Variants in SLC37A3 observed in about 807,000 individuals in gnomAD.
SLC37A3 encodes the protein sugar phosphate exchanger 3.
In SLC37A3, 51 loss-of-function variants were observed where a neutral mutation model predicts 67.1. The observed-to-expected ratio is 0.76, with a 90% CI of 0.61 to 0.96. The LOEUF is 0.96. SLC37A3 is among the 40% of genes least tolerant of loss of function. SLC37A3 has a pLI of 0.00. For synonymous variants in SLC37A3, 214 were observed against 231.4 expected (o/e 0.92, Z 0.68); for missense variants, 508 against 603.0 (o/e 0.84, Z 1.65).
chr7:140,382,536 G>A lies in SLC37A3; in HGVS notation c.-10C>T. On this transcript the variant is annotated 5_prime_UTR_variant, in exon 2 of 15. Transcript: ENST00000326232. ...CATTTGGCCAGGCCATGTTCTTCCT[G>A]ACCTTCCTTCTCACCTTTGACCTTA... is the stretch of plus-strand genomic sequence containing the variant. 6.2e-7 allele frequency: 1 copy of A among 1,613,314 alleles called. No individual in the cohort carries two copies. Among genetic ancestry groups the A allele is most frequent in the Non-Finnish European group, 8.5e-7 (1 of 1,179,448 alleles).
At chr7:140,357,198 G>A (rs571650112) in intron 6 of SLC37A3, among the ~76,000 whole-genome samples, 1 of 151,986 alleles carries the variant, frequency 6.6e-6, no homozygotes, top group African/African-American at 2.4e-5. Flanking sequence ...TGGGCAGTAA[G>A]AGCGAAACTC....
chr7:140,382,642 G>A, intron 1 of SLC37A3, 46 bp from the exon 2 acceptor site: 1 of 850,388 alleles, frequency 1.2e-6, no homozygotes, highest in Non-Finnish European at 1.8e-6. Context: ...CATAGGCAGA[G>A]TATCCAAAAA....
At chr7:140,352,210 T>C in intron 7 of SLC37A3, 64 bp from the exon 8 acceptor site, 1 of 1,231,650 alleles carries the variant, frequency 8.1e-7, no homozygotes, top group Non-Finnish European at 1.1e-6. Flanking sequence ...AGCACATTCA[T>C]TAAAGGTGTG....
chr7:140,338,787 AT>A (rs144807594), intron 13 of SLC37A3, among the ~76,000 whole-genome samples: 7,661 of 151,412 alleles, frequency 0.051, 211 homozygotes, highest in Non-Finnish European at 0.071. Flanking sequence ...TTCTTTTTAA[AT>A]GGAGTCTTGC....
At chr7:140,371,868 T>G (rs78029450) in intron 3 of SLC37A3, among the ~76,000 whole-genome samples, 3 of 152,074 alleles carry the variant, frequency 2.0e-5, no homozygotes, top group Admixed American at 2.0e-4. Context: ...TTTTTTTTTT[T>G]GGAGACGGAG....
intron 7 of SLC37A3, among the ~76,000 whole-genome samples, chr7:140,352,670 T>C (rs1796863126): frequency 6.6e-6 from 1 of 151,950 alleles, no homozygotes; most frequent in Non-Finnish European, 1.5e-5. Flanking sequence ...AAAATCAAAG[T>C]CAATTGCCCA....
chr7:140,382,489 A>C lies in SLC37A3; in HGVS notation c.38T>G (p.Leu13Arg). ...WPNVFQRGSL[L>R]SQFSHHHVVV... ...AACATGATGATGGCTGAACTGGGACAGCAGAGACCCTCTTTGAAAAACATT... is the reference window on the plus strand; with the variant it reads ...AACATGATGATGGCTGAACTGGGACCGCAGAGACCCTCTTTGAAAAACATT... Residue 13 changes from leucine (L) to arginine (R), a missense_variant, in exon 2 of 15, where the codon CTG becomes CGG. By Grantham distance (102) the Leu-to-Arg change is moderately radical. Coordinates refer to ENST00000326232, the MANE Select transcript of SLC37A3 (RefSeq NM_207113.3). 6.2e-7 allele frequency: 1 copy of C among 1,614,188 alleles called. No homozygotes were observed. Among genetic ancestry groups the C allele is most frequent in the Non-Finnish European group, 8.5e-7 (1 of 1,180,014 alleles).
At chr7:140,358,878 C>T (rs1448112207) in intron 5 of SLC37A3, 93 bp from the exon 6 acceptor site, 2 of 1,469,966 alleles carry the variant, frequency 1.4e-6, no homozygotes, top group African/African-American at 1.4e-5. Context: ...GTAGAGACCA[C>T]GTGAAGGATA....
In SLC37A3 at chr7:140,364,440, G is replaced by A. The variant is rs932798602; in HGVS notation, c.343C>T (p.Leu115=). 6.2e-7 allele frequency: 1 copy of A among 1,613,744 alleles called. No homozygotes were observed. Among genetic ancestry groups the A allele is most frequent in the African/African-American group, 1.3e-5 (1 of 74,846 alleles). Residue 115 remains leucine (L), a synonymous_variant, in exon 5 of 15, where the codon CTG becomes TTG. Coordinates refer to ENST00000326232, the MANE Select transcript of SLC37A3 (RefSeq NM_207113.3). ...GCAGAAGAGCACATGCCAAAAGACA[G>A]AACCCATCGCAAATTCAACCGATCC... ...VGDRLNLRWV[L]SFGMCSSALV...
In SLC37A3 at chr7:140,348,654, G is replaced by A. The variant is rs749047184; in HGVS notation, c.996C>T (p.Ser332=). 3 of 1,613,876 alleles carry A rather than the reference G, an allele frequency of 1.9e-6. No homozygotes were observed. The highest frequency in any genetic ancestry group is 2.5e-6 in the Non-Finnish European group (3 of 1,180,012). Residue 332 remains serine, a synonymous_variant, in exon 10 of 15, where the codon TCC becomes TCT. Transcript: ENST00000326232. Reference sequence around the variant, plus strand: ...TGATCCCTCCAACGTCGTACCAAATGGACAGCTTGTCGGCTTCCGCCTCCT... The same window carrying A: ...TGATCCCTCCAACGTCGTACCAAATAGACAGCTTGTCGGCTTCCGCCTCCT... ...GWKEAEADKL[S]IWYDVGGIIG...
intron 1 of SLC37A3, among the ~76,000 whole-genome samples, chr7:140,383,833 T>C (rs527295216): frequency 1.3e-5 from 2 of 152,284 alleles, no homozygotes; most frequent in East Asian, 1.9e-4. Flanking sequence ...TGAGCCGCCA[T>C]GCCTGGCTAA....
At chr7:140,388,759 A>C (rs755136833) in intron 1 of SLC37A3, among the ~76,000 whole-genome samples, 9 of 152,012 alleles carry the variant, frequency 5.9e-5, no homozygotes, top group Non-Finnish European at 1.0e-4. Context: ...TGCAGTGCCA[A>C]GATCATGCCA....
At chr7:140,356,725 C>T (rs143394926) in intron 6 of SLC37A3, among the ~76,000 whole-genome samples, 3 of 152,158 alleles carry the variant, frequency 2.0e-5, no homozygotes, top group Non-Finnish European at 2.9e-5. Flanking sequence ...AGATGCTCAA[C>T]GTCATTAGAT....
chr7:140,361,028 G>A (rs1031350187), intron 5 of SLC37A3, among the ~76,000 whole-genome samples: 2 of 152,062 alleles, frequency 1.3e-5, no homozygotes, highest in Non-Finnish European at 2.9e-5. Context: ...TCAAGTGCCT[G>A]CAAAGAAACA....
At chr7:140,384,768 G>GA (rs60864294) in intron 1 of SLC37A3, among the ~76,000 whole-genome samples, 26,024 of 151,978 alleles carry the variant, frequency 0.17, 2,973 homozygotes, top group African/African-American at 0.32. Context: ...ATATTCAAGG[G>GA]AAAAAATCCA....
At chr7:140,352,863 ATGGAACCTGATG>A (rs1168415358) in intron 7 of SLC37A3, among the ~76,000 whole-genome samples, 1 of 152,158 alleles carries the variant, frequency 6.6e-6, no homozygotes, top group African/African-American at 2.4e-5. Context: ...TTAACAGAGA[ATGGAACCTGATG>A]TGGACACTGA....
At chr7:140,384,629 G>C in intron 1 of SLC37A3, among the ~76,000 whole-genome samples, 1 of 152,128 alleles carries the variant, frequency 6.6e-6, no homozygotes, top group Non-Finnish European at 1.5e-5. Flanking sequence ...TAAGGCAGGA[G>C]GATTGCTTGA....
chr7:140,370,046 G>C (rs1363456560), intron 3 of SLC37A3, among the ~76,000 whole-genome samples: 2 of 152,084 alleles, frequency 1.3e-5, no homozygotes, highest in African/African-American at 4.8e-5. Flanking sequence ...GGAGGCGGAG[G>C]TTGTGGTGAG....
intron 13 of SLC37A3, among the ~76,000 whole-genome samples, chr7:140,339,462 T>C (rs1796271415): frequency 6.6e-6 from 1 of 151,934 alleles, no homozygotes; most frequent in African/African-American, 2.4e-5. Context: ...GGTTTCACCA[T>C]GTTGGCCAGG....
Sources: gnomAD v4.1 joint callset for allele counts (sites outside exome capture counted in the v4.1 genomes callset) on GRCh38, gnomAD v4.1.1 for gene constraint, MANE v1.5 for transcripts, NCBI Gene and HGNC (gene_info 2026-07-23, HGNC 2026-07-21) for gene names.